The following EPHB1 variants were observed in gnomAD, a reference collection of about 807,000 sequenced individuals.
The protein encoded by EPHB1 is EPH receptor B1.
A neutral mutation model predicts 94.4 loss-of-function variants in EPHB1; 30 were observed. The ratio of observed to expected loss-of-function variants is 0.32; its 90% confidence interval spans 0.24 to 0.43. The LOEUF (loss-of-function observed/expected upper bound fraction) is 0.43. Among genes scored for constraint, EPHB1 ranks in the 20% least tolerant of loss-of-function variants. The probability of loss-of-function intolerance (pLI) is 1.00; values close to 1 mark genes in which losing one functional copy is unlikely to be tolerated. For synonymous variants in EPHB1, 522 were observed against 489.1 expected (o/e 1.07, Z -0.89); for missense variants, 1,055 against 1,308.3 (o/e 0.81, Z 2.99).
intron 6 of EPHB1, among the ~76,000 whole-genome samples, chr3:135,160,202 T>C (rs1213541132): frequency 1.3e-5 from 2 of 152,184 alleles, no homozygotes; most frequent in East Asian, 3.9e-4. Context: ...CCAGAGATAG[T>C]AGTGTGTCAT....
chr3:135,145,828 T>C (rs1940992162), intron 5 of EPHB1, among the ~76,000 whole-genome samples: 1 of 152,180 alleles, frequency 6.6e-6, no homozygotes, highest in Non-Finnish European at 1.5e-5. Flanking sequence ...GTCACAACCC[T>C]GGCTCCCTTT....
At chr3:135,232,955 A>G (rs546130230) in intron 12 of EPHB1, among the ~76,000 whole-genome samples, 1 of 152,224 alleles carries the variant, frequency 6.6e-6, no homozygotes, top group African/African-American at 2.4e-5. Flanking sequence ...CTCCATGATT[A>G]AATTACCTCC....
At chr3:135,228,079 T>C (rs763697174) in intron 12 of EPHB1, among the ~76,000 whole-genome samples, 3 of 152,208 alleles carry the variant, frequency 2.0e-5, no homozygotes, top group Non-Finnish European at 4.4e-5. Context: ...TAGTCTACTA[T>C]CTATATTCTA....
chr3:135,214,730 C>T (rs908162689), intron 12 of EPHB1, among the ~76,000 whole-genome samples: 3 of 152,214 alleles, frequency 2.0e-5, no homozygotes, highest in East Asian at 3.8e-4. Flanking sequence ...CAGCCACAAT[C>T]GCTTCCATGC....
At chr3:134,898,378 A>G (rs1240225319) in intron 1 of EPHB1, among the ~76,000 whole-genome samples, 1 of 152,136 alleles carries the variant, frequency 6.6e-6, no homozygotes, top group African/African-American at 2.4e-5. Flanking sequence ...TAGGATTTCC[A>G]GCCCAGTCTC....
At chr3:134,916,679 C>T (rs1034510661) in intron 1 of EPHB1, among the ~76,000 whole-genome samples, 1 of 152,218 alleles carries the variant, frequency 6.6e-6, no homozygotes, top group African/African-American at 2.4e-5. Flanking sequence ...AGCCCACGCC[C>T]ACCCGGAACT....
At chr3:134,888,577 A>G (rs978496331) in intron 1 of EPHB1, among the ~76,000 whole-genome samples, 6 of 151,986 alleles carry the variant, frequency 3.9e-5, no homozygotes, top group Non-Finnish European at 5.9e-5. Flanking sequence ...GTGTGGTGGC[A>G]TGTGCCTGTA....
rs374531059 is a variant in EPHB1 at position 135,086,266 on chromosome 3, C to T, written c.806-20182C>T. Among the ~76,000 whole-genome samples the T allele has an allele frequency of 2.2e-3, 310 of 143,830 alleles. 4 individuals carry two copies. The highest frequency in any genetic ancestry group is 7.1e-3 in the African/African-American group (273 of 38,454). The allele number at this position is 143,830 out of a possible 152,430, so 94.4% of individuals were successfully genotyped here. On this transcript the variant is annotated intron_variant, in intron 3 of 15. Transcript: ENST00000398015. ...CAACAGGATCCTTAATGACCTCTGA[C>T]GGTGGGATGGAGGAGGACCAGAAGA...
chr3:134,963,145 C>CCTTT (rs1933592048), intron 3 of EPHB1, among the ~76,000 whole-genome samples: 1 of 101,090 alleles, frequency 9.9e-6, no homozygotes, highest in African/African-American at 9.2e-5. Context: ...CTCCTTCCTT[C>CCTTT]CTTCCTTCCT....
At chr3:134,935,303 G>A (rs1370743964) in intron 2 of EPHB1, among the ~76,000 whole-genome samples, 2 of 152,194 alleles carry the variant, frequency 1.3e-5, no homozygotes, top group Admixed American at 6.5e-5. Flanking sequence ...GAGGAAAACA[G>A]GCGAAGAAGG....
intron 15 of EPHB1, among the ~76,000 whole-genome samples, chr3:135,257,371 ATGG>A (rs929046716): frequency 1.8e-4 from 27 of 151,636 alleles, no homozygotes; most frequent in Non-Finnish European, 3.5e-4. Context: ...GTCTTTGATG[ATGG>A]TGATGTACAG....
intron 2 of EPHB1, among the ~76,000 whole-genome samples, chr3:134,933,910 C>T (rs1246811379): frequency 6.6e-6 from 1 of 152,130 alleles, no homozygotes; most frequent in Non-Finnish European, 1.5e-5. Context: ...TTTCTCTGAG[C>T]TGTTTCCTAG....
chr3:134,866,315 C>T (rs919101583), intron 1 of EPHB1, among the ~76,000 whole-genome samples: 3 of 152,196 alleles, frequency 2.0e-5, no homozygotes, highest in Non-Finnish European at 4.4e-5. Flanking sequence ...TTGTATGTGA[C>T]AAAGAAAGAG....
intron 1 of EPHB1, among the ~76,000 whole-genome samples, chr3:134,898,834 C>T (rs2038140860): frequency 6.6e-6 from 1 of 152,138 alleles, no homozygotes. Flanking sequence ...TTGACATTTT[C>T]CTTCCACATT....
At chr3:135,258,888 C>T in intron 15 of EPHB1, 124 bp from the exon 16 acceptor site, 2 of 849,812 alleles carry the variant, frequency 2.4e-6, no homozygotes, top group Admixed American at 5.1e-5. Flanking sequence ...TTTGGGTAAA[C>T]TTAAGCTAGT....
intron 9 of EPHB1, among the ~76,000 whole-genome samples, chr3:135,174,135 G>A (rs924205788): frequency 1.3e-5 from 2 of 152,150 alleles, no homozygotes; most frequent in Non-Finnish European, 2.9e-5. Flanking sequence ...GCATGCAAAT[G>A]CTGCAGCTTG....
At chr3:135,166,812 G>A in intron 8 of EPHB1, 130 bp from the exon 9 acceptor site, 1 of 863,164 alleles carries the variant, frequency 1.2e-6, no homozygotes, top group South Asian at 1.7e-5. Context: ...TGAAGTGAGA[G>A]TTGCCCAGTC....
rs528958255 is a variant in EPHB1 at position 135,242,594 on chromosome 3, C to T, written c.2496+1297C>T. 5.3e-5 allele frequency among the ~76,000 whole-genome samples: 8 copies of T among 152,218 alleles called. No homozygotes were observed. The South Asian group carries it at 1.0e-3, about 20-fold the overall frequency. ...TGGGTGAAATGGCTGCACCATTAACCGGGTCCTGAAGTCAACTATGGCTGG... is the reference window on the plus strand; with the variant it reads ...TGGGTGAAATGGCTGCACCATTAACTGGGTCCTGAAGTCAACTATGGCTGG... On this transcript the variant is annotated intron_variant, in intron 13 of 15. Transcript: ENST00000398015.
chr3:134,835,305 A>G (rs2036653221), intron 1 of EPHB1, among the ~76,000 whole-genome samples: 1 of 152,192 alleles, frequency 6.6e-6, no homozygotes, highest in Admixed American at 6.5e-5. Flanking sequence ...AGAACACTGG[A>G]GACCCCTTGC....
Sources: gnomAD v4.1 joint callset for allele counts (sites outside exome capture counted in the v4.1 genomes callset) on GRCh38, gnomAD v4.1.1 for gene constraint, MANE v1.5 for transcripts, NCBI Gene and HGNC (gene_info 2026-07-23, HGNC 2026-07-21) for gene names.